The following TEK variants were observed in gnomAD, a reference collection of about 807,000 sequenced individuals.
The protein encoded by TEK is TEK receptor tyrosine kinase.
In TEK, 43 loss-of-function variants were observed where a neutral mutation model predicts 131.8. That is an observed-to-expected ratio of 0.33 (90% CI 0.26 to 0.42). The LOEUF (loss-of-function observed/expected upper bound fraction) is 0.42. Ranked by LOEUF, TEK falls within the 10% of genes least tolerant of loss-of-function variation. The pLI is 1.00. For synonymous variants in TEK, 580 were observed against 491.6 expected, an observed-to-expected ratio of 1.18 and a Z score of -2.38; for missense variants, 1,162 against 1,384.4, an observed-to-expected ratio of 0.84 and a Z score of 2.55.
At chr9:27,165,379 G>T (rs961685108) in intron 2 of TEK, among the ~76,000 whole-genome samples, 2 of 152,062 alleles carry the variant, frequency 1.3e-5, no homozygotes, top group Non-Finnish European at 2.9e-5. Context: ...AGCAAGAGCT[G>T]CATGCATTTG....
chr9:27,168,535 G>T lies in TEK; in HGVS notation c.405G>T (p.Lys135Asn), dbSNP rs1823825688. The change falls in exon 3 of 23, where the codon AAG becomes AAT. Residue 135 changes from lysine to asparagine, a missense_variant. Physicochemically the swap from Lys to Asn is moderately conservative, Grantham distance 94. This residue lies in a region of TEK where 436 missense variants were observed against 539.1 expected (regional missense o/e 0.81). Coordinates refer to ENST00000380036, the MANE Select transcript of TEK (RefSeq NM_000459.5). ...LPATLTMTVD[K>N]GDNVNISFKK... ...CTACTTTAACTATGACTGTGGACAA[G>T]GGAGATAACGTGAACATATCTTTCA... 1.2e-6 allele frequency: 2 copies of T among 1,613,926 alleles called. No individual in the cohort carries two copies. The highest frequency in any genetic ancestry group is 2.7e-5 in the African/African-American group (2 of 75,044).
At chr9:27,194,324 C>T (rs1258511051) in intron 11 of TEK, among the ~76,000 whole-genome samples, 2 of 152,124 alleles carry the variant, frequency 1.3e-5, no homozygotes, top group Non-Finnish European at 2.9e-5. Context: ...TTCACACCAC[C>T]CACCTAGTTT....
intron 12 of TEK, among the ~76,000 whole-genome samples, chr9:27,200,653 A>G (rs1564093539): frequency 6.6e-6 from 1 of 152,192 alleles, no homozygotes; most frequent in Non-Finnish European, 1.5e-5. Flanking sequence ...TTCCAGTTAT[A>G]AAGTTTGTGT....
At chr9:27,137,494 A>C (rs1380239511) in intron 1 of TEK, among the ~76,000 whole-genome samples, 1 of 152,166 alleles carries the variant, frequency 6.6e-6, no homozygotes, top group Non-Finnish European at 1.5e-5. Flanking sequence ...CAAAGTTCTT[A>C]TATTACATAA....
intron 16 of TEK, among the ~76,000 whole-genome samples, chr9:27,211,219 A>T (rs917805001): frequency 6.7e-6 from 1 of 148,624 alleles, no homozygotes; most frequent in East Asian, 1.9e-4. Context: ...ATGTGTATAT[A>T]TATGAATATA....
At chr9:27,145,335 C>A (rs369742632) in intron 1 of TEK, among the ~76,000 whole-genome samples, 2 of 152,260 alleles carry the variant, frequency 1.3e-5, no homozygotes, top group East Asian at 1.9e-4. Context: ...TGTTTCCTGC[C>A]CATGTGGGTT....
intron 2 of TEK, among the ~76,000 whole-genome samples, chr9:27,165,742 G>T (rs953256553): frequency 6.6e-6 from 1 of 152,210 alleles, no homozygotes; most frequent in Admixed American, 6.5e-5. Flanking sequence ...GCCCAGGAAT[G>T]TGTCTGATTC....
At chr9:27,134,418 A>T (rs548572589) in intron 1 of TEK, among the ~76,000 whole-genome samples, 4 of 152,320 alleles carry the variant, frequency 2.6e-5, no homozygotes, top group African/African-American at 9.6e-5. Flanking sequence ...AATCTCAGCA[A>T]CCAAGTTTTC....
At chr9:27,118,811 C>A (rs1821669803) in intron 1 of TEK, among the ~76,000 whole-genome samples, 1 of 152,042 alleles carries the variant, frequency 6.6e-6, no homozygotes, top group African/African-American at 2.4e-5. Context: ...GATGCACAAC[C>A]CAACAGGGCC....
chr9:27,199,549 C>T (rs187090090), intron 12 of TEK, among the ~76,000 whole-genome samples: 3 of 152,262 alleles, frequency 2.0e-5, no homozygotes, highest in Non-Finnish European at 4.4e-5. Flanking sequence ...TTTTACTTTG[C>T]GTATCTCAAA....
intron 14 of TEK, among the ~76,000 whole-genome samples, chr9:27,205,836 G>A (rs929763978): frequency 1.3e-5 from 2 of 152,146 alleles, no homozygotes; most frequent in South Asian, 2.1e-4. Flanking sequence ...CAAATGAGGT[G>A]TACCCCATGT....
At chr9:27,127,118 C>T (rs534068134) in intron 1 of TEK, among the ~76,000 whole-genome samples, 1 of 152,240 alleles carries the variant, frequency 6.6e-6, no homozygotes, top group Non-Finnish European at 1.5e-5. Context: ...CTAATGCTAT[C>T]CCTCCCTCAA....
Position 27,142,468 on chromosome 9 carries a change from A to T in TEK, c.53-15363A>T, listed in dbSNP as rs142959307. 8.9e-3 allele frequency among the ~76,000 whole-genome samples: 1,349 copies of T among 152,352 alleles called. 18 individuals carry two copies. The highest frequency in any genetic ancestry group is 0.031 in the African/African-American group (1,280 of 41,586). ...CTGAAAGTTGGTGAGATCACTGTGA[A>T]AACGGAAATGGGGACTTCCGTAGCA... On this transcript the variant is annotated intron_variant, in intron 1 of 22. Coordinates refer to ENST00000380036, the MANE Select transcript of TEK (RefSeq NM_000459.5).
intron 1 of TEK, among the ~76,000 whole-genome samples, chr9:27,118,433 G>A (rs146793328): frequency 0.013 from 2,039 of 152,124 alleles, 19 homozygotes; most frequent in Non-Finnish European, 0.02. Context: ...CAAGGAGTTC[G>A]AGACCATCCT....
At chr9:27,166,589 T>C (rs930792117) in intron 2 of TEK, among the ~76,000 whole-genome samples, 1 of 152,220 alleles carries the variant, frequency 6.6e-6, no homozygotes, top group Non-Finnish European at 1.5e-5. Context: ...ATAATGACCA[T>C]CTATATCCCT....
chr9:27,197,117 A>G (rs1410178053), intron 11 of TEK, among the ~76,000 whole-genome samples, 198 bp from the exon 12 acceptor site: 1 of 151,026 alleles, frequency 6.6e-6, no homozygotes, highest in Non-Finnish European at 1.5e-5. Context: ...ATCAGAACTC[A>G]CTCGGTATCA....
intron 18 of TEK, among the ~76,000 whole-genome samples, chr9:27,214,878 C>G (rs1825761452): frequency 6.6e-6 from 1 of 152,114 alleles, no homozygotes; most frequent in African/African-American, 2.4e-5. Flanking sequence ...TCTCCCTAAC[C>G]TTTTCAGGCA....
chr9:27,123,052 C>CAAAAAAAAAA (rs10700803), intron 1 of TEK, among the ~76,000 whole-genome samples: 1,156 of 34,706 alleles, frequency 0.033, 245 homozygotes, highest in East Asian at 0.16. Context: ...GACTCTGTCT[C>CAAAAAAAAAA]AAAAAAAAAA....
chr9:27,206,868 C>A lies in TEK; in HGVS notation c.2575+76C>A, dbSNP rs76822158. 15 of 1,518,296 alleles carry A rather than the reference C, an allele frequency of 9.9e-6. No individual in the cohort carries two copies. In the Admixed American group the frequency reaches 2.6e-4, roughly 27 times the overall value. The allele number at this position is 1,518,296 out of a possible 1,614,324, so 94.1% of individuals were successfully genotyped here. ...CTTGATTTCCTGCTCATTCTTTCCT[C>A]TATGGTCTTACAAAAAATTGGCATG... On this transcript the variant is annotated intron_variant, in intron 15 of 22. Transcript: ENST00000380036.
Sources: gnomAD v4.1 joint callset for allele counts (sites outside exome capture counted in the v4.1 genomes callset) on GRCh38, gnomAD v4.1.1 for gene constraint, gnomAD v4.1.1 regional missense constraint, MANE v1.5 for transcripts, NCBI Gene and HGNC (gene_info 2026-07-23, HGNC 2026-07-21) for gene names.